The following TNP1 variants were observed in gnomAD, a reference collection of about 807,000 sequenced individuals.
TNP1 encodes spermatid nuclear transition protein 1.
A neutral mutation model predicts 5.8 loss-of-function variants in TNP1; 1 was observed. The observed-to-expected ratio is 0.17, with a 90% CI of 0.06 to 0.82. The LOEUF (loss-of-function observed/expected upper bound fraction) is 0.82, where lower values mean the gene tolerates loss of function less well. Ranked by LOEUF, TNP1 falls within the 40% of genes least tolerant of loss-of-function variation. TNP1 has a pLI of 0.72. For synonymous variants in TNP1, 22 were observed against 25.3 expected, an observed-to-expected ratio of 0.87 and a Z score of 0.40; for missense variants, 71 against 75.5, an observed-to-expected ratio of 0.94 and a Z score of 0.22.
chr2:216,859,605 CTGCTGTTCTTGTTGCTGCTTGG>C lies in TNP1; in HGVS notation c.*40_*61del. On this transcript the variant is annotated 3_prime_UTR_variant, in exon 2 of 2. Transcript: ENST00000236979. Reference sequence around the variant, plus strand: ...TCAGGTCTCCTTGGCAGTTCCCCTTCTGCTGTTCTTGTTGCTGCTTGGTGCTGTGTGAAGCGCACCAGGGCAG... The same window carrying C: ...TCAGGTCTCCTTGGCAGTTCCCCTTCTGCTGTGTGAAGCGCACCAGGGCAG... The C allele has an allele frequency of 1.2e-6, 2 of 1,606,220 alleles. No individual in the cohort carries two copies. Among genetic ancestry groups the C allele is most frequent in the Non-Finnish European group, 1.7e-6 (2 of 1,173,038 alleles).
At chr2:216,859,805 T>G in intron 1 of TNP1, 91 bp downstream of exon 1, 2 of 1,613,950 alleles carry the variant, frequency 1.2e-6, no homozygotes, top group South Asian at 1.1e-5. Context: ...AGGCCAAGAT[T>G]TCAGGGTCCT....
chr2:216,859,479 T>G lies in TNP1; in HGVS notation c.*188A>C. Reference sequence around the variant, plus strand: ...AACATTTCTGCTTTCAAAGTTTTATTGAGATGTTGGGGAAAAACAGCCAAC... The same window carrying G: ...AACATTTCTGCTTTCAAAGTTTTATGGAGATGTTGGGGAAAAACAGCCAAC... On this transcript the variant is annotated 3_prime_UTR_variant, in exon 2 of 2. Transcript: ENST00000236979. The G allele has an allele frequency of 1.0e-5, 7 of 695,978 alleles. No individual in the cohort carries two copies. The highest frequency in any genetic ancestry group is 1.2e-5 in the Non-Finnish European group (5 of 411,348). The allele number at this position is 695,978 out of a possible 1,614,324, so 43.1% of individuals were successfully genotyped here. A position where few individuals can be genotyped will look rare whatever the true frequency, so the allele number is the denominator to read the frequency against.
At chr2:216,859,750 G>A in intron 1 of TNP1, 55 bp from the exon 2 acceptor site, 1 of 1,613,900 alleles carries the variant, frequency 6.2e-7, no homozygotes. Flanking sequence ...TTCCCATCAA[G>A]ACTCTTGTTG....
rs775905315 is a variant in TNP1, at chr2:216,859,660, T to G, written c.*7A>C. Reference sequence around the variant, plus strand: ...TGAAGCGCACCAGGGCAGAGCCCGCTGGGGGCTCACAAGTGGGAGCGGTAA... The same window carrying G: ...TGAAGCGCACCAGGGCAGAGCCCGCGGGGGGCTCACAAGTGGGAGCGGTAA... On this transcript the variant is annotated 3_prime_UTR_variant, in exon 2 of 2. Transcript: ENST00000236979. 3 of 1,614,176 alleles carry G rather than the reference T, an allele frequency of 1.9e-6. No individual in the cohort carries two copies. Among genetic ancestry groups the G allele is most frequent in the African/African-American group, 2.7e-5 (2 of 75,042 alleles).
rs531889646 is a variant in TNP1, at chr2:216,859,934, C to T, written c.101G>A (p.Arg34His). The part of the protein sequence containing the change: ...VKRGGSKRKY[R>H]KGNLKSRKRG... ...TTTCCTACTTTTCAGGTTGCCCTTA[C>T]GGTATTTTCTTTTGCTGCCACCTCT... Residue 34 changes from arginine (R) to histidine (H), a missense_variant, in exon 1 of 2, where the codon CGT becomes CAT. By Grantham distance (29) the Arg-to-His change is conservative. Coordinates refer to ENST00000236979, the MANE Select transcript of TNP1 (RefSeq NM_003284.4). 1.6e-5 allele frequency: 26 copies of T among 1,614,204 alleles called. No homozygotes were observed. Among genetic ancestry groups the T allele is most frequent in the African/African-American group, 1.6e-4 (12 of 75,046 alleles).
Position 216,859,718 on chromosome 2 carries a change from A to G in TNP1, c.140-23T>C, listed in dbSNP as rs1490667298. ...TGGCTGTGGGAAAGGACAGGTTTGC[A>G]ACAGAGACACGAATTAGAACATTCC... is the stretch of plus-strand genomic sequence containing the variant. On this transcript the variant is annotated intron_variant, in intron 1 of 1. Transcript: ENST00000236979. The G allele has an allele frequency of 3.1e-6, 5 of 1,614,060 alleles. No individual in the cohort carries two copies. The East Asian group carries it at 1.1e-4, about 36-fold the overall frequency.
Position 216,860,030 on chromosome 2 carries a change from G to C in TNP1, c.5C>G (p.Ser2Trp). Reference sequence around the variant, plus strand: ...ATGACTCTTTAATTTGCGGCTGGTCGACATGGTAAGTTCTGCCAAAATGAG... The same window carrying C: ...ATGACTCTTTAATTTGCGGCTGGTCCACATGGTAAGTTCTGCCAAAATGAG... M[S>W]TSRKLKSHGM... Residue 2 changes from serine (S) to tryptophan (W), a missense_variant, in exon 1 of 2, where the codon TCG (serine) becomes TGG (tryptophan). By Grantham distance (177) the Ser-to-Trp change is radical. Transcript: ENST00000236979. 1 of 1,614,026 alleles carries C rather than the reference G, an allele frequency of 6.2e-7. No individual in the cohort carries two copies.
rs577756162 is a variant in TNP1, at chr2:216,859,833, G to A, written c.139+63C>T. The A allele has an allele frequency of 1.0e-4, 169 of 1,614,038 alleles. No homozygotes were observed. In the African/African-American group the frequency reaches 2.0e-3, roughly 19 times the overall value. On this transcript the variant is annotated intron_variant, in intron 1 of 1. Coordinates refer to ENST00000236979, the MANE Select transcript of TNP1 (RefSeq NM_003284.4). ...AGGGTCCTGTGAGAGCTGCCTCCAA[G>A]AGGGAGGGCCTGGCAGCAATGTGTG...
chr2:216,859,582 A>G lies in TNP1; in HGVS notation c.*85T>C, dbSNP rs374305305. The G allele has an allele frequency of 2.3e-4, 361 of 1,543,854 alleles. No individual in the cohort carries two copies. In the African/African-American group the frequency reaches 4.4e-3, roughly 19 times the overall value. ...TCCTCTCTGGCTTTGATCTAACATCAGGTCTCCTTGGCAGTTCCCCTTCTG... is the reference window on the plus strand; with the variant it reads ...TCCTCTCTGGCTTTGATCTAACATCGGGTCTCCTTGGCAGTTCCCCTTCTG... On this transcript the variant is annotated 3_prime_UTR_variant, in exon 2 of 2. Transcript: ENST00000236979.
rs1318969110 is a variant in TNP1, at chr2:216,859,706, G to A, written c.140-11C>T. On this transcript the variant is annotated splice_polypyrimidine_tract_variant and intron_variant, in intron 1 of 1. Coordinates refer to ENST00000236979, the MANE Select transcript of TNP1 (RefSeq NM_003284.4). ...GGTAATTGCGATTGGCTGTGGGAAAGGACAGGTTTGCAACAGAGACACGAA... is the reference window on the plus strand; with the variant it reads ...GGTAATTGCGATTGGCTGTGGGAAAAGACAGGTTTGCAACAGAGACACGAA... The A allele has an allele frequency of 6.2e-7, 1 of 1,614,154 alleles. No homozygotes were observed. Among genetic ancestry groups the A allele is most frequent in the South Asian group, 1.1e-5 (1 of 91,078 alleles).
chr2:216,859,517 C>T lies in TNP1; in HGVS notation c.*150G>A. On this transcript the variant is annotated 3_prime_UTR_variant, in exon 2 of 2. Transcript: ENST00000236979. The stretch of plus-strand genomic sequence containing the variant: ...AAAAACAGCCAACATATACATTCCT[C>T]ATTTCGTCACAACTGGCATTTGATC... 1 of 934,514 alleles carries T rather than the reference C, an allele frequency of 1.1e-6. No homozygotes were observed. The allele number at this position is 934,514 out of a possible 1,614,324, so 57.9% of individuals were successfully genotyped here.
In TNP1 at chr2:216,859,566, G is replaced by T; in HGVS notation, c.*101C>A. On this transcript the variant is annotated 3_prime_UTR_variant, in exon 2 of 2. Coordinates refer to ENST00000236979, the MANE Select transcript of TNP1 (RefSeq NM_003284.4). ...TCCACATTCCATAGGCTCCTCTCTG[G>T]CTTTGATCTAACATCAGGTCTCCTT... 1.4e-6 allele frequency: 2 copies of T among 1,461,590 alleles called. No homozygotes were observed. The highest frequency in any genetic ancestry group is 1.9e-6 in the Non-Finnish European group (2 of 1,047,492). 90.5% of individuals were successfully genotyped at this position (1,461,590 alleles called of 1,614,324 possible).
intron 1 of TNP1, 86 bp downstream of exon 1, chr2:216,859,810 G>A: frequency 6.2e-7 from 1 of 1,613,756 alleles, no homozygotes; most frequent in Non-Finnish European, 8.5e-7. Context: ...AAGATTTCAG[G>A]GTCCTGTGAG....
chr2:216,859,543 C>G lies in TNP1; in HGVS notation c.*124G>C. ...ATTTCGTCACAACTGGCATTTGATC[C>G]ACATTCCATAGGCTCCTCTCTGGCT... is the stretch of plus-strand genomic sequence containing the variant. On this transcript the variant is annotated 3_prime_UTR_variant, in exon 2 of 2. Transcript: ENST00000236979. 1 of 1,239,734 alleles carries G rather than the reference C, an allele frequency of 8.1e-7. No individual in the cohort carries two copies. The highest frequency in any genetic ancestry group is 1.2e-6 in the Non-Finnish European group (1 of 866,370). 76.8% of individuals were successfully genotyped at this position (1,239,734 alleles called of 1,614,324 possible). A position where few individuals can be genotyped will look rare whatever the true frequency, so the allele number is the denominator to read the frequency against.
At position 216,859,719 on chromosome 2, in the gene TNP1, A is replaced by G. The variant is rs745566654; in HGVS notation, c.140-24T>C. On this transcript the variant is annotated intron_variant, in intron 1 of 1. Coordinates refer to ENST00000236979, the MANE Select transcript of TNP1 (RefSeq NM_003284.4). ...GGCTGTGGGAAAGGACAGGTTTGCA[A>G]CAGAGACACGAATTAGAACATTCCC... is the stretch of plus-strand genomic sequence containing the variant. The G allele has an allele frequency of 5.0e-6, 8 of 1,614,196 alleles. 1 individual carries two copies. The South Asian group carries it at 6.6e-5, about 13-fold the overall frequency.
Position 216,859,929 on chromosome 2 carries a change from C to T in TNP1, c.106G>A (p.Gly36Ser). The T allele has an allele frequency of 6.2e-7, 1 of 1,614,188 alleles. No homozygotes were observed. Among genetic ancestry groups the T allele is most frequent in the Non-Finnish European group, 8.5e-7 (1 of 1,180,034 alleles). ...RGGSKRKYRK[G>S]NLKSRKRGDD... is the part of the protein sequence containing the mutation. ...CCCCGTTTCCTACTTTTCAGGTTGC[C>T]CTTACGGTATTTTCTTTTGCTGCCA... The change falls in exon 1 of 2, where the codon GGC (glycine) becomes AGC (serine). Residue 36 changes from glycine (G) to serine (S), a missense_variant. Coordinates refer to ENST00000236979, the MANE Select transcript of TNP1 (RefSeq NM_003284.4).
chr2:216,859,508 T>A lies in TNP1; in HGVS notation c.*159A>T, dbSNP rs1264976844. On this transcript the variant is annotated 3_prime_UTR_variant, in exon 2 of 2. Transcript: ENST00000236979. ...ATGTTGGGGAAAAACAGCCAACATATACATTCCTCATTTCGTCACAACTGG... is the reference window on the plus strand; with the variant it reads ...ATGTTGGGGAAAAACAGCCAACATAAACATTCCTCATTTCGTCACAACTGG... 1.2e-6 allele frequency: 1 copy of A among 864,978 alleles called. No homozygotes were observed. Among genetic ancestry groups the A allele is most frequent in the African/African-American group, 1.7e-5 (1 of 59,214 alleles). 53.6% of individuals were successfully genotyped at this position (864,978 alleles called of 1,614,324 possible). A position where few individuals can be genotyped will look rare whatever the true frequency, so the allele number is the denominator to read the frequency against.
rs1688882020 is a variant in TNP1, at chr2:216,859,767, T to A, written c.140-72A>T. 3 of 1,613,904 alleles carry A rather than the reference T, an allele frequency of 1.9e-6. No individual in the cohort carries two copies. The East Asian group carries it at 6.7e-5, about 36-fold the overall frequency. ...CCCATCAAGACTCTTGTTGCTCAAA[T>A]CTGCATTTAGTTATTGGAAATAATC... On this transcript the variant is annotated intron_variant, in intron 1 of 1. Coordinates refer to ENST00000236979, the MANE Select transcript of TNP1 (RefSeq NM_003284.4).
At chr2:216,859,821 A>G (rs62180545) in intron 1 of TNP1, 75 bp downstream of exon 1, 212,478 of 1,613,732 alleles carry the variant, frequency 0.13, 14,687 homozygotes, top group Middle Eastern at 0.15. Flanking sequence ...GTCCTGTGAG[A>G]GCTGCCTCCA....
Sources: gnomAD v4.1 joint callset for allele counts on GRCh38, gnomAD v4.1.1 for gene constraint, MANE v1.5 for transcripts, NCBI Gene and HGNC (gene_info 2026-07-23, HGNC 2026-07-21) for gene names.